SENP7: variants seen among roughly 807,000 people sequenced by gnomAD.
The protein encoded by SENP7 is sentrin-specific protease 7.
Under a neutral mutation model 141.2 loss-of-function variants are expected in SENP7, and 64 were observed. The observed-to-expected ratio is 0.45, with a 90% CI of 0.37 to 0.56. SENP7 has a LOEUF of 0.56. SENP7 is among the 20% of genes least tolerant of loss of function. SENP7 has a pLI of 0.00. For missense variants in SENP7, 1,025 were observed against 1,212.2 expected, an observed-to-expected ratio of 0.85 and a Z score of 2.29; for synonymous variants, 382 against 426.4, an observed-to-expected ratio of 0.90 and a Z score of 1.28.
At chr3:101,345,888 C>T (rs1423263441) in intron 13 of SENP7, among the ~76,000 whole-genome samples, 2 of 152,128 alleles carry the variant, frequency 1.3e-5, no homozygotes, top group African/African-American at 4.8e-5. Flanking sequence ...AACCCAAAAG[C>T]GAATGCAACC....
intron 4 of SENP7, among the ~76,000 whole-genome samples, chr3:101,420,406 T>C (rs1312383060): frequency 6.6e-6 from 1 of 151,114 alleles, no homozygotes; most frequent in Non-Finnish European, 1.5e-5. Context: ...GGAACATAGG[T>C]TTGAAAAAAG....
chr3:101,421,575 A>C (rs973926934), intron 4 of SENP7, among the ~76,000 whole-genome samples: 20 of 152,230 alleles, frequency 1.3e-4, no homozygotes, highest in Non-Finnish European at 2.4e-4. Context: ...CCAAATAAGA[A>C]TTTATATTGG....
chr3:101,412,890 C>T (rs1385474360), intron 5 of SENP7, among the ~76,000 whole-genome samples: 1 of 152,088 alleles, frequency 6.6e-6, no homozygotes, highest in Non-Finnish European at 1.5e-5. Flanking sequence ...ATTCCACATA[C>T]TGCTAGTTTG....
intron 5 of SENP7, among the ~76,000 whole-genome samples, chr3:101,409,182 T>C (rs1323858591): frequency 6.6e-6 from 1 of 151,970 alleles, no homozygotes; most frequent in East Asian, 1.9e-4. Flanking sequence ...CCTTTTACAA[T>C]AGCTGCCAAA....
chr3:101,326,656 C>A (rs2058908200), intron 23 of SENP7, among the ~76,000 whole-genome samples: 1 of 152,140 alleles, frequency 6.6e-6, no homozygotes, highest in Non-Finnish European at 1.5e-5. Context: ...TACAAAGTCT[C>A]TGTGAGCTAG....
intron 4 of SENP7, among the ~76,000 whole-genome samples, chr3:101,446,420 A>C (rs940672830): frequency 1.3e-4 from 20 of 152,246 alleles, no homozygotes; most frequent in African/African-American, 4.8e-4. Flanking sequence ...TAATAGACCT[A>C]ACAGACATTT....
rs1388183848 is a variant in SENP7 at position 101,344,942 on chromosome 3, G to A, written c.1838-988C>T. Among the ~76,000 whole-genome samples, 9 of 123,990 alleles carry A rather than the reference G, an allele frequency of 7.3e-5. No homozygotes were observed. In the East Asian group the frequency reaches 2.5e-3, roughly 35 times the overall value. 81.3% of individuals were successfully genotyped at this position (123,990 alleles called of 152,430 possible). ...GGATAGCTTGAAGCCAGGTGCTTGA[G>A]ACCAGCCTGAGGAACATATCGAGAG... On this transcript the variant is annotated intron_variant, in intron 13 of 23. Coordinates refer to ENST00000394095, the MANE Select transcript of SENP7 (RefSeq NM_020654.5).
At chr3:101,430,236 C>G (rs1422556106) in intron 4 of SENP7, among the ~76,000 whole-genome samples, 1 of 151,976 alleles carries the variant, frequency 6.6e-6, no homozygotes, top group Admixed American at 6.6e-5. Context: ...CTTTTTCTAT[C>G]GATTGGAATA....
chr3:101,365,139 A>G lies in SENP7; in HGVS notation c.1319-148T>C, dbSNP rs193036329. ...TACCTCAGCCTCCCGAGTAGCTGGA[A>G]TTACAGGCATGCGCCACCATGCCCA... On this transcript the variant is annotated intron_variant, in intron 9 of 23. Transcript: ENST00000394095. The G allele has an allele frequency of 9.9e-5, 43 of 432,628 alleles. No individual in the cohort carries two copies. The East Asian group carries it at 1.7e-3, about 17-fold the overall frequency. The allele number at this position is 432,628 out of a possible 1,614,324, so 26.8% of individuals were successfully genotyped here.
At chr3:101,367,403 CTAGA>C (rs1181936098) in intron 8 of SENP7, among the ~76,000 whole-genome samples, 9 of 151,656 alleles carry the variant, frequency 5.9e-5, no homozygotes, top group African/African-American at 1.7e-4. Flanking sequence ...TCCCTAAACT[CTAGA>C]TAAACAGAAG....
intron 1 of SENP7, among the ~76,000 whole-genome samples, chr3:101,504,090 T>C (rs2065494233): frequency 6.6e-6 from 1 of 152,130 alleles, no homozygotes; most frequent in Non-Finnish European, 1.5e-5. Context: ...TCTAAGTTCA[T>C]AATACACAGC....
intron 4 of SENP7, among the ~76,000 whole-genome samples, chr3:101,442,320 G>T (rs1418072531): frequency 6.6e-6 from 1 of 152,218 alleles, no homozygotes; most frequent in Non-Finnish European, 1.5e-5. Context: ...CGGGATGGCA[G>T]GGGAGTATGG....
intron 6 of SENP7, among the ~76,000 whole-genome samples, chr3:101,379,307 A>G (rs1302877885): frequency 6.6e-6 from 1 of 152,196 alleles, no homozygotes; most frequent in East Asian, 1.9e-4. Context: ...ATAGGGGAAA[A>G]TCTTCACATT....
intron 3 of SENP7, among the ~76,000 whole-genome samples, chr3:101,483,803 C>T (rs1009543771): frequency 6.6e-6 from 1 of 152,156 alleles, no homozygotes; most frequent in Admixed American, 6.5e-5. Flanking sequence ...TGGCTGATCA[C>T]TTGAAGTCAG....
intron 4 of SENP7, among the ~76,000 whole-genome samples, chr3:101,453,231 A>G (rs557956914): frequency 7.2e-5 from 11 of 152,246 alleles, no homozygotes; most frequent in Admixed American, 3.3e-4. Flanking sequence ...TGCTGGAGAG[A>G]ATGTGGAGAA....
At chr3:101,447,328 A>C (rs958733354) in intron 4 of SENP7, among the ~76,000 whole-genome samples, 1 of 152,058 alleles carries the variant, frequency 6.6e-6, no homozygotes, top group African/African-American at 2.4e-5. Context: ...CGGTGGTCCC[A>C]GAGACTTGGA....
chr3:101,460,198 G>C (rs1336760233), intron 3 of SENP7, among the ~76,000 whole-genome samples: 2 of 152,072 alleles, frequency 1.3e-5, no homozygotes, highest in African/African-American at 4.8e-5. Flanking sequence ...TGCAGAAATG[G>C]ACAAACTGAT....
intron 11 of SENP7, among the ~76,000 whole-genome samples, chr3:101,353,103 C>T (rs965414282): frequency 7.9e-5 from 12 of 151,936 alleles, no homozygotes; most frequent in Admixed American, 5.9e-4. Context: ...AAGAATGTTA[C>T]ATAATTTAAT....
intron 4 of SENP7, among the ~76,000 whole-genome samples, chr3:101,430,593 T>C (rs997962859): frequency 2.0e-5 from 3 of 152,200 alleles, no homozygotes; most frequent in African/African-American, 4.8e-5. Context: ...TCTTTATTAG[T>C]CTGGCTATTG....
Sources: gnomAD v4.1 joint callset for allele counts (sites outside exome capture counted in the v4.1 genomes callset) on GRCh38, gnomAD v4.1.1 for gene constraint, MANE v1.5 for transcripts, NCBI Gene and HGNC (gene_info 2026-07-23, HGNC 2026-07-21) for gene names.